Variants in ADGRV1 observed in about 807,000 individuals in gnomAD.
The protein encoded by ADGRV1 is adhesion G protein-coupled receptor V1, also known as G-protein coupled receptor 98.
Under a neutral mutation model 596.2 loss-of-function variants are expected in ADGRV1, and 359 were observed. That is an observed-to-expected ratio of 0.60 (90% CI 0.55 to 0.66). The LOEUF is 0.66. ADGRV1 is among the 30% of genes least tolerant of loss of function. The pLI is 0.00. For synonymous variants in ADGRV1, 2,681 were observed against 2,679.2 expected (o/e 1.00, Z -0.02); for missense variants, 7,274 against 7,575.6 (o/e 0.96, Z 1.48).
intron 83 of ADGRV1, among the ~76,000 whole-genome samples, chr5:90,937,380 C>G (rs1262397213): frequency 6.6e-6 from 1 of 151,630 alleles, no homozygotes; most frequent in Non-Finnish European, 1.5e-5. Context: ...TTTTTGTTAC[C>G]CCTTCATTAA....
In ADGRV1 at chr5:90,658,253, G is replaced by A; in HGVS notation, c.4727G>A (p.Gly1576Asp). The change falls in exon 21 of 90, where the codon GGT becomes GAT. Residue 1576 changes from glycine to aspartate, a missense_variant. Physicochemically the swap from Gly to Asp is moderately conservative, Grantham distance 94. This residue lies in a region of ADGRV1 where 3,643 missense variants were observed against 3,809.2 expected (regional missense o/e 0.96). Coordinates refer to ENST00000405460, the MANE Select transcript of ADGRV1 (RefSeq NM_032119.4). ...QKSDNANGLF[G>D]FTGACIPEIA... ...AGTGACAATGCAAATGGCTTGTTTGGTTTCACAGGAGCTTGTATACCAGAG... is the reference window on the plus strand; with the variant it reads ...AGTGACAATGCAAATGGCTTGTTTGATTTCACAGGAGCTTGTATACCAGAG... 2 of 1,529,198 alleles carry A rather than the reference G, an allele frequency of 1.3e-6. No individual in the cohort carries two copies. Among genetic ancestry groups the A allele is most frequent in the Non-Finnish European group, 1.8e-6 (2 of 1,139,168 alleles). 94.7% of individuals were successfully genotyped at this position (1,529,198 alleles called of 1,614,324 possible).
At chr5:90,721,080 G>T in intron 45 of ADGRV1, 21 bp downstream of exon 45, 3 of 1,600,980 alleles carry the variant, frequency 1.9e-6, no homozygotes, top group South Asian at 2.3e-5. Flanking sequence ...TTTCTTATGA[G>T]AACAAAATTC....
rs973707353 is a variant in ADGRV1, at chr5:90,927,250, T to C, written c.17857-38165T>C. On this transcript the variant is annotated intron_variant, in intron 83 of 89. Coordinates refer to ENST00000405460, the MANE Select transcript of ADGRV1 (RefSeq NM_032119.4). ...ACAGTGGGGTGTTAAAGTCTCCCAT[T>C]ATTAATGTGTGGGAGTCTAAGTCTC... is the stretch of plus-strand genomic sequence containing the variant. Among the ~76,000 whole-genome samples, 2 of 151,122 alleles carry C rather than the reference T, an allele frequency of 1.3e-5. 1 individual carries two copies. Among genetic ancestry groups the C allele is most frequent in the African/African-American group, 4.9e-5 (2 of 40,646 alleles).
At chr5:91,099,066 C>G (rs1008793168) in intron 86 of ADGRV1, among the ~76,000 whole-genome samples, 1 of 152,036 alleles carries the variant, frequency 6.6e-6, no homozygotes, top group Non-Finnish European at 1.5e-5. Context: ...ATGAATTTTT[C>G]TAAAAATTAA....
chr5:90,959,226 T>TA (rs774212987), intron 83 of ADGRV1, among the ~76,000 whole-genome samples: 1 of 151,952 alleles, frequency 6.6e-6, no homozygotes, highest in African/African-American at 2.4e-5. Flanking sequence ...TAAAATTTAA[T>TA]AAAAATATCA....
At chr5:90,782,913 C>T (rs1474881103) in intron 65 of ADGRV1, among the ~76,000 whole-genome samples, 1 of 152,118 alleles carries the variant, frequency 6.6e-6, no homozygotes, top group Non-Finnish European at 1.5e-5. Context: ...TTGTACTGTT[C>T]TCTGTAACTT....
intron 83 of ADGRV1, among the ~76,000 whole-genome samples, chr5:90,964,355 T>A (rs887938868): frequency 6.6e-6 from 1 of 152,186 alleles, no homozygotes; most frequent in East Asian, 1.9e-4. Context: ...TAAACGCTTA[T>A]TGATCATCTC....
At chr5:90,957,785 CAGG>C (rs1413827488) in intron 83 of ADGRV1, among the ~76,000 whole-genome samples, 2 of 150,708 alleles carry the variant, frequency 1.3e-5, no homozygotes, top group African/African-American at 4.9e-5. Context: ...GAATATATGC[CAGG>C]AGATCAGGAG....
At chr5:90,959,086 A>T (rs1777751282) in intron 83 of ADGRV1, among the ~76,000 whole-genome samples, 1 of 152,174 alleles carries the variant, frequency 6.6e-6, no homozygotes, top group Non-Finnish European at 1.5e-5. Flanking sequence ...ACATGATCCT[A>T]TATTTAAAAT....
intron 87 of ADGRV1, among the ~76,000 whole-genome samples, chr5:91,111,604 C>T (rs1456135884): frequency 6.6e-6 from 1 of 152,166 alleles, no homozygotes; most frequent in Admixed American, 6.6e-5. Flanking sequence ...TTACAGAGGA[C>T]TAATTGTTTC....
At chr5:91,155,748 T>A (rs2126929676) in intron 89 of ADGRV1, among the ~76,000 whole-genome samples, 1 of 152,312 alleles carries the variant, frequency 6.6e-6, no homozygotes, top group East Asian at 1.9e-4. Flanking sequence ...GTGAGATTTT[T>A]ATAGAACATA....
intron 42 of ADGRV1, among the ~76,000 whole-genome samples, chr5:90,715,611 CT>C (rs1749986600): frequency 6.7e-6 from 1 of 150,254 alleles, no homozygotes; most frequent in African/African-American, 2.4e-5. Flanking sequence ...TTACATTAGG[CT>C]AATTTCTAAG....
chr5:90,805,234 C>T (rs748783614), intron 71 of ADGRV1, 50 bp from the exon 72 acceptor site: 1 of 1,519,542 alleles, frequency 6.6e-7, no homozygotes, highest in Non-Finnish European at 9.0e-7. Context: ...CCTCAGAAAA[C>T]AGGAAGGTTT....
At chr5:90,846,286 C>T (rs1765867294) in intron 78 of ADGRV1, 1 of 151,576 alleles carries the variant, frequency 6.6e-6, no homozygotes, top group African/African-American at 2.4e-5. Context: ...GATAAAGTTA[C>T]ATGCAAGTTA....
chr5:90,642,236 T>C (rs1287505115), intron 11 of ADGRV1, among the ~76,000 whole-genome samples: 1 of 152,186 alleles, frequency 6.6e-6, no homozygotes, highest in Non-Finnish European at 1.5e-5. Context: ...GTATGTAAAA[T>C]TGAAACACAA....
At chr5:91,025,839 C>G (rs964713389) in intron 85 of ADGRV1, among the ~76,000 whole-genome samples, 1 of 152,172 alleles carries the variant, frequency 6.6e-6, no homozygotes, top group African/African-American at 2.4e-5. Flanking sequence ...TATGAATATA[C>G]TGTTAAGAAT....
chr5:90,851,529 G>A (rs1301032946), intron 79 of ADGRV1, among the ~76,000 whole-genome samples: 2 of 152,164 alleles, frequency 1.3e-5, no homozygotes, highest in Admixed American at 1.3e-4. Context: ...CAAGGATATT[G>A]AGGAGAATGA....
intron 32 of ADGRV1, 110 bp downstream of exon 32, chr5:90,692,896 A>G (rs1437068106): frequency 2.5e-5 from 19 of 772,496 alleles, no homozygotes; most frequent in Admixed American, 3.8e-5. Context: ...TTTCTATGCC[A>G]TAAATTATTT....
At chr5:90,770,872 G>T (rs969659902) in intron 59 of ADGRV1, among the ~76,000 whole-genome samples, 1 of 152,030 alleles carries the variant, frequency 6.6e-6, no homozygotes, top group Non-Finnish European at 1.5e-5. Flanking sequence ...CCAAACATAT[G>T]TGTCTTATTC....
Sources: allele counts gnomAD v4.1 joint callset (sites outside exome capture counted in the v4.1 genomes callset), GRCh38; gene constraint gnomAD v4.1.1; regional missense constraint gnomAD v4.1.1; transcripts MANE v1.5; gene names NCBI Gene and HGNC (gene_info 2026-07-23, HGNC 2026-07-21).